The following HPSE2 variants were observed in gnomAD, a reference collection of about 807,000 sequenced individuals.
HPSE2 encodes heparanase 2 (inactive), also known as inactive heparanase-2.
A neutral mutation model predicts 60.5 loss-of-function variants in HPSE2; 38 were observed. The ratio of observed to expected loss-of-function variants is 0.63; its 90% CI spans 0.48 to 0.82. The LOEUF (loss-of-function observed/expected upper bound fraction) is 0.82, where lower values mean the gene tolerates loss of function less well. HPSE2 is among the 40% of genes least tolerant of loss of function. HPSE2 has a pLI of 0.00. For synonymous variants in HPSE2, 295 were observed against 293.2 expected, an observed-to-expected ratio of 1.01 and a Z score of -0.06; for missense variants, 713 against 740.4, an observed-to-expected ratio of 0.96 and a Z score of 0.43.
intron 3 of HPSE2, among the ~76,000 whole-genome samples, chr10:98,853,293 A>G (rs554005667): frequency 1.3e-5 from 2 of 152,230 alleles, no homozygotes; most frequent in Non-Finnish European, 2.9e-5. Flanking sequence ...CTTTTTTGCC[A>G]TAAAGTCAAA....
In HPSE2 at chr10:99,097,078, C is replaced by T. The variant is rs549024018; in HGVS notation, c.610+47160G>A. 5.3e-4 allele frequency among the ~76,000 whole-genome samples: 81 copies of T among 152,230 alleles called. 1 individual carries two copies. In the South Asian group the frequency reaches 0.011, roughly 21 times the overall value. On this transcript the variant is annotated intron_variant, in intron 3 of 11. Transcript: ENST00000370552. ...GCCTAGGAATGAAGTCCACTAAATC[C>T]GGCTCACTAGTTATCAGCCAGTATA...
intron 9 of HPSE2, among the ~76,000 whole-genome samples, chr10:98,527,709 GA>G (rs1943011995): frequency 6.6e-6 from 1 of 152,158 alleles, no homozygotes; most frequent in Admixed American, 6.5e-5. Context: ...TGAGCTCCTT[GA>G]GAGTAAGAGG....
intron 3 of HPSE2, among the ~76,000 whole-genome samples, chr10:98,997,202 T>C (rs896124396): frequency 1.8e-4 from 26 of 140,762 alleles, no homozygotes; most frequent in Middle Eastern, 3.8e-3. Flanking sequence ...AACCTCCGCC[T>C]CCCGGGTTCA....
intron 3 of HPSE2, among the ~76,000 whole-genome samples, chr10:98,804,131 A>G (rs1030499892): frequency 2.6e-5 from 4 of 152,094 alleles, no homozygotes; most frequent in Admixed American, 6.6e-5. Context: ...TTTATCTGTT[A>G]TTAGTGTATA....
chr10:98,749,947 T>TATATATGTATATATATATACAC, intron 3 of HPSE2, among the ~76,000 whole-genome samples: 1 of 98,484 alleles, frequency 1.0e-5, no homozygotes, highest in African/African-American at 3.3e-5. Flanking sequence ...TATATATATA[T>TATATATGTATATATATATACAC]ACACACACAC....
chr10:99,180,889 CAAAAAAAAAAA>C (rs68033581), intron 2 of HPSE2, among the ~76,000 whole-genome samples: 5 of 29,692 alleles, frequency 1.7e-4, no homozygotes, highest in Admixed American at 5.7e-4. Flanking sequence ...GACTCCATCT[CAAAAAAAAAAA>C]AAAAAAAAAA....
At chr10:99,197,218 C>T (rs1458054424) in intron 2 of HPSE2, among the ~76,000 whole-genome samples, 1 of 151,978 alleles carries the variant, frequency 6.6e-6, no homozygotes, top group African/African-American at 2.4e-5. Context: ...TTACCAGAGG[C>T]TGGGAAGGGT....
At chr10:98,508,909 C>G (rs563092105) in intron 9 of HPSE2, among the ~76,000 whole-genome samples, 1 of 152,204 alleles carries the variant, frequency 6.6e-6, no homozygotes, top group East Asian at 1.9e-4. Flanking sequence ...ATTCATCTTA[C>G]AATAAATGAG....
intron 3 of HPSE2, among the ~76,000 whole-genome samples, chr10:98,862,670 C>T (rs1021230312): frequency 1.3e-5 from 2 of 152,124 alleles, no homozygotes; most frequent in South Asian, 2.1e-4. Flanking sequence ...CGGAATTGTA[C>T]ATGAAGCCCC....
intron 2 of HPSE2, among the ~76,000 whole-genome samples, chr10:99,164,950 G>A (rs1181904542): frequency 6.6e-6 from 1 of 151,988 alleles, no homozygotes; most frequent in Non-Finnish European, 1.5e-5. Context: ...GGGCATGGTG[G>A]CGCACGCCTG....
At chr10:99,214,408 T>C (rs1388529157) in intron 2 of HPSE2, among the ~76,000 whole-genome samples, 2 of 152,160 alleles carry the variant, frequency 1.3e-5, no homozygotes, top group Non-Finnish European at 2.9e-5. Context: ...TGTATACAAA[T>C]TTTCATAGCA....
intron 3 of HPSE2, among the ~76,000 whole-genome samples, chr10:98,875,788 A>C (rs1340942495): frequency 6.6e-6 from 1 of 152,060 alleles, no homozygotes; most frequent in African/African-American, 2.4e-5. Context: ...TGCATCAAAT[A>C]AACACTTGGT....
chr10:98,668,298 T>C (rs1453186300), intron 6 of HPSE2, among the ~76,000 whole-genome samples: 1 of 152,206 alleles, frequency 6.6e-6, no homozygotes, highest in Non-Finnish European at 1.5e-5. Flanking sequence ...TCCATGCTCA[T>C]TGATTGGAAG....
chr10:98,461,514 G>T lies in HPSE2; in HGVS notation c.1614-1775C>A, dbSNP rs542524297. On this transcript the variant is annotated intron_variant, in intron 11 of 11. Transcript: ENST00000370552. ...TAGTGAAGACAGCCTACTCATTGGA[G>T]TGGAAGGCAGGGTGAGGAGAGTGGT... is the stretch of plus-strand genomic sequence containing the variant. 2.0e-5 allele frequency among the ~76,000 whole-genome samples: 3 copies of T among 152,372 alleles called. No homozygotes were observed. In the East Asian group the frequency reaches 5.8e-4, roughly 29 times the overall value.
Position 99,103,342 on chromosome 10 carries a change from GACAA to G in HPSE2, c.610+40892_610+40895del, listed in dbSNP as rs1466737328. Reference sequence around the variant, plus strand: ...CAAGCATTCTTATACACCAATAACAGACAAACAGAGAGCCACATCATCAGTGAAC... The same window carrying G: ...CAAGCATTCTTATACACCAATAACAGACAGAGAGCCACATCATCAGTGAAC... On this transcript the variant is annotated intron_variant, in intron 3 of 11. Coordinates refer to ENST00000370552, the MANE Select transcript of HPSE2 (RefSeq NM_021828.5). Among the ~76,000 whole-genome samples the G allele has an allele frequency of 3.5e-4, 53 of 152,124 alleles. 3 individuals are homozygous for G. In the East Asian group the frequency reaches 0.01, roughly 29 times the overall value.
the HPSE2 span, among the ~76,000 whole-genome samples, chr10:99,296,751 C>T: frequency 6.6e-6 from 1 of 152,070 alleles, no homozygotes; most frequent in Non-Finnish European, 1.5e-5. Flanking sequence ...ATATGGCAGT[C>T]GGAGATCTGG....
At chr10:98,596,083 T>C (rs1317457368) in intron 9 of HPSE2, among the ~76,000 whole-genome samples, 1 of 152,228 alleles carries the variant, frequency 6.6e-6, no homozygotes, top group African/African-American at 2.4e-5. Flanking sequence ...CCTTTTAACG[T>C]GCTGTTGAAT....
chr10:99,256,004 T>C, the HPSE2 span, among the ~76,000 whole-genome samples: 1 of 152,090 alleles, frequency 6.6e-6, no homozygotes, highest in Non-Finnish European at 1.5e-5. Context: ...CATCTTCTCA[T>C]GACTGGCAGG....
intron 10 of HPSE2, among the ~76,000 whole-genome samples, chr10:98,488,530 T>C (rs1486699611): frequency 6.6e-6 from 1 of 152,248 alleles, no homozygotes; most frequent in African/African-American, 2.4e-5. Context: ...GAGGCTTCTA[T>C]GAGGAGACGC....
Sources: allele counts gnomAD v4.1 joint callset (sites outside exome capture counted in the v4.1 genomes callset), GRCh38; gene constraint gnomAD v4.1.1; transcripts MANE v1.5; gene names NCBI Gene and HGNC (gene_info 2026-07-23, HGNC 2026-07-21).